The following BTBD8 variants were observed in gnomAD, a reference collection of about 807,000 sequenced individuals.
BTBD8 encodes the protein BTB domain containing 8.
In BTBD8, 110 loss-of-function variants were observed where a neutral mutation model predicts 162.9. The observed-to-expected ratio is 0.68, with a 90% CI of 0.58 to 0.79. BTBD8 has a LOEUF of 0.79. Ranked by LOEUF, BTBD8 falls within the 30% of genes least tolerant of loss-of-function variation. The probability of loss-of-function intolerance (pLI) is 0.00; values close to 1 mark genes in which losing one functional copy is unlikely to be tolerated. For missense variants in BTBD8, 1,905 were observed against 2,085.4 expected (o/e 0.91, Z 1.68); for synonymous variants, 667 against 716.1 (o/e 0.93, Z 1.10).
At chr1:92,089,543 T>A (rs973475430) in intron 2 of BTBD8, among the ~76,000 whole-genome samples, 5 of 152,172 alleles carry the variant, frequency 3.3e-5, no homozygotes, top group Non-Finnish European at 7.4e-5. Flanking sequence ...AATGTATTGA[T>A]CACAGTTCGG....
chr1:92,171,305 T>C (rs1570756244), intron 12 of BTBD8, 94 bp from the exon 13 acceptor site: 2 of 899,446 alleles, frequency 2.2e-6, no homozygotes, highest in Non-Finnish European at 1.7e-6. Flanking sequence ...TCCATCAAAA[T>C]ATAACCTTTT....
At position 92,107,866 on chromosome 1, in the gene BTBD8, T is replaced by G; in HGVS notation, c.545-18T>G. On this transcript the variant is annotated intron_variant, in intron 3 of 17. Coordinates refer to ENST00000636805, the MANE Select transcript of BTBD8 (RefSeq NM_001376131.1). ...GTAATATTAAACTATTTTTTAGTCT[T>G]GTTTTTCTTTTTTAAAGATAATTAT... The G allele has an allele frequency of 6.3e-7, 1 of 1,585,188 alleles. No individual in the cohort carries two copies. Among genetic ancestry groups the G allele is most frequent in the South Asian group, 1.1e-5 (1 of 87,200 alleles).
At chr1:92,144,840 C>CACACGT (rs1460942825) in intron 7 of BTBD8, among the ~76,000 whole-genome samples, 1 of 150,704 alleles carries the variant, frequency 6.6e-6, no homozygotes, top group Non-Finnish European at 1.5e-5. Flanking sequence ...CACACACACA[C>CACACGT]ACGTATACAC....
Position 92,167,009 on chromosome 1 carries a change from A to G in BTBD8, c.1174A>G (p.Ser392Gly), listed in dbSNP as rs768019776. Residue 392 changes from serine (S) to glycine (G), a missense_variant, in exon 10 of 18, where the codon AGT becomes GGT. Ser to Gly is a moderately conservative substitution (Grantham distance 56). Coordinates refer to ENST00000636805, the MANE Select transcript of BTBD8 (RefSeq NM_001376131.1). ...GATGGAAAGTGACAGGCTAATCATC[A>G]GTTTACCCAGAGTGAAGTGGACGGA... The part of the protein sequence containing the change: ...LLMESDRLII[S>G]LPRVKWTEAA... 3.4e-5 allele frequency: 52 copies of G among 1,550,538 alleles called. No homozygotes were observed. The highest frequency in any genetic ancestry group is 4.2e-5 in the Non-Finnish European group (48 of 1,146,966).
rs1383618630 is a variant in BTBD8 at position 92,184,243 on chromosome 1, A to C, written c.5292A>C (p.Ser1764=). Residue 1764 remains serine (S), a synonymous_variant, in exon 18 of 18, where the codon TCA becomes TCC. Coordinates refer to ENST00000636805, the MANE Select transcript of BTBD8 (RefSeq NM_001376131.1). ...AACTAACATCTCCACTTGATTCCTCAGCGAGCATCACCATGGCTAGTTTTT... is the reference window on the plus strand; with the variant it reads ...AACTAACATCTCCACTTGATTCCTCCGCGAGCATCACCATGGCTAGTTTTT... The part of the protein sequence containing the change: ...WSELTSPLDS[S]ASITMASFSS... 2 of 1,551,638 alleles carry C rather than the reference A, an allele frequency of 1.3e-6. No homozygotes were observed. The highest frequency in any genetic ancestry group is 2.0e-5 in the Admixed American group (1 of 51,010).
chr1:92,172,410 T>C (rs1215610140), intron 13 of BTBD8, among the ~76,000 whole-genome samples: 1 of 152,236 alleles, frequency 6.6e-6, no homozygotes, highest in Non-Finnish European at 1.5e-5. Flanking sequence ...GTGTATTAAA[T>C]GGTTAAGATG....
intron 4 of BTBD8, among the ~76,000 whole-genome samples, chr1:92,128,149 T>C (rs954396285): frequency 1.3e-5 from 2 of 151,840 alleles, no homozygotes; most frequent in African/African-American, 4.8e-5. Flanking sequence ...GGAGTTTCGC[T>C]CTTGTTGCCC....
chr1:92,144,878 G>T (rs551527922), intron 7 of BTBD8, among the ~76,000 whole-genome samples: 2 of 150,564 alleles, frequency 1.3e-5, no homozygotes, highest in South Asian at 4.2e-4. Flanking sequence ...ATAACTTAAA[G>T]TATCTCCAGT....
chr1:92,136,469 C>A (rs1360473509), intron 5 of BTBD8, among the ~76,000 whole-genome samples: 1 of 151,876 alleles, frequency 6.6e-6, no homozygotes, highest in Non-Finnish European at 1.5e-5. Flanking sequence ...AGGGATCTTG[C>A]CAGCACTGTC....
intron 7 of BTBD8, among the ~76,000 whole-genome samples, chr1:92,146,213 G>C (rs1649914941): frequency 1.5e-5 from 1 of 65,736 alleles, no homozygotes; most frequent in Non-Finnish European, 2.6e-5. Flanking sequence ...ATTCTTGACA[G>C]CCAAAGAGTT....
chr1:92,136,029 A>C (rs929971439), intron 5 of BTBD8, among the ~76,000 whole-genome samples: 23 of 152,172 alleles, frequency 1.5e-4, no homozygotes, highest in African/African-American at 5.6e-4. Flanking sequence ...TGTAGTACAT[A>C]AATGAGAACA....
At position 92,080,598 on chromosome 1, in the gene BTBD8, G is replaced by A. The variant is rs1647974933; in HGVS notation, c.27G>A (p.Ala9=). The A allele has an allele frequency of 1.2e-6, 2 of 1,613,996 alleles. No individual in the cohort carries two copies. The highest frequency in any genetic ancestry group is 1.7e-6 in the Non-Finnish European group (2 of 1,179,924). ...TGGCTCGCTGTGGGGAAGGCAGTGC[G>A]GCCCCCATGGTACTTCTGGGGTCCG... The part of the protein sequence containing the change: MARCGEGS[A]APMVLLGSAG... The change falls in exon 1 of 18, where the codon GCG becomes GCA. Residue 9 remains alanine, a synonymous_variant. Coordinates refer to ENST00000636805, the MANE Select transcript of BTBD8 (RefSeq NM_001376131.1).
At chr1:92,119,569 A>T (rs1332589536) in intron 4 of BTBD8, among the ~76,000 whole-genome samples, 3 of 151,762 alleles carry the variant, frequency 2.0e-5, no homozygotes, top group African/African-American at 7.3e-5. Flanking sequence ...TGCAGGTGTG[A>T]GCTGCCACAT....
At chr1:92,097,172 T>G (rs1648475064) in intron 2 of BTBD8, among the ~76,000 whole-genome samples, 1 of 74,750 alleles carries the variant, frequency 1.3e-5, no homozygotes, top group Non-Finnish European at 2.5e-5. Context: ...GTTTTCATCT[T>G]TCCACAGAAA....
chr1:92,140,301 A>C (rs2101940278), intron 6 of BTBD8, among the ~76,000 whole-genome samples: 1 of 152,178 alleles, frequency 6.6e-6, no homozygotes, highest in South Asian at 2.1e-4. Flanking sequence ...CTAAAGACCA[A>C]CAACTGTGAT....
chr1:92,133,808 A>T (rs1374985541), intron 5 of BTBD8, among the ~76,000 whole-genome samples: 1 of 152,064 alleles, frequency 6.6e-6, no homozygotes, highest in Non-Finnish European at 1.5e-5. Context: ...ATCTCTACTA[A>T]AAATACAAAA....
chr1:92,140,723 T>A (rs1041688683), intron 6 of BTBD8, among the ~76,000 whole-genome samples: 2 of 152,262 alleles, frequency 1.3e-5, no homozygotes, highest in Non-Finnish European at 2.9e-5. Flanking sequence ...ATTTTCAATA[T>A]GATCAGACAT....
intron 9 of BTBD8, among the ~76,000 whole-genome samples, chr1:92,160,522 G>A (rs1174924523): frequency 6.6e-6 from 1 of 152,018 alleles, no homozygotes; most frequent in African/African-American, 2.4e-5. Flanking sequence ...CAGAGATTCA[G>A]GGCCTCTCAA....
chr1:92,164,752 C>T (rs1051132035), intron 9 of BTBD8, among the ~76,000 whole-genome samples: 2 of 150,010 alleles, frequency 1.3e-5, no homozygotes, highest in African/African-American at 4.9e-5. Context: ...AGCTCTGCCT[C>T]CCGGGTTCAT....
Sources: gnomAD v4.1 joint callset for allele counts (sites outside exome capture counted in the v4.1 genomes callset) on GRCh38, gnomAD v4.1.1 for gene constraint, MANE v1.5 for transcripts, NCBI Gene and HGNC (gene_info 2026-07-23, HGNC 2026-07-21) for gene names.